Variants in TNFSF4 observed in about 807,000 individuals in gnomAD.
TNFSF4 encodes the protein TNF superfamily member 4.
Under a neutral mutation model 7.3 loss-of-function variants are expected in TNFSF4, and 4 were observed. The observed-to-expected ratio is 0.55, with a 90% CI of 0.27 to 1.25. The LOEUF (loss-of-function observed/expected upper bound fraction) is 1.25. TNFSF4 is among the 50% of genes most tolerant of loss of function. The pLI, the probability that TNFSF4 is intolerant of heterozygous loss-of-function variation, is 0.12. For missense variants in TNFSF4, 181 were observed against 208.8 expected, an observed-to-expected ratio of 0.87 and a Z score of 0.82; for synonymous variants, 76 against 83.7, an observed-to-expected ratio of 0.91 and a Z score of 0.50.
At chr1:173,400,157 T>A in the TNFSF4 span, among the ~76,000 whole-genome samples, 2 of 152,214 alleles carry the variant, frequency 1.3e-5, no homozygotes, top group Non-Finnish European at 2.9e-5. Flanking sequence ...TCACAGCAAA[T>A]AAAGTGTAGC....
the TNFSF4 span, among the ~76,000 whole-genome samples, chr1:173,324,379 G>A: frequency 6.6e-6 from 1 of 152,152 alleles, no homozygotes; most frequent in Non-Finnish European, 1.5e-5. Flanking sequence ...AACATGGAAA[G>A]GAACAACCAG....
At chr1:173,372,178 A>C in the TNFSF4 span, among the ~76,000 whole-genome samples, 7 of 152,232 alleles carry the variant, frequency 4.6e-5, no homozygotes, top group Non-Finnish European at 1.0e-4. Context: ...CTCAGCAAAG[A>C]ATGAAGACAG....
chr1:173,289,077 C>T, the TNFSF4 span, among the ~76,000 whole-genome samples: 1 of 152,020 alleles, frequency 6.6e-6, no homozygotes, highest in East Asian at 1.9e-4. Flanking sequence ...CAGAAAGGAG[C>T]TCTGTGAGTT....
the TNFSF4 span, among the ~76,000 whole-genome samples, chr1:173,317,803 G>A: frequency 1.3e-5 from 2 of 152,050 alleles, no homozygotes; most frequent in East Asian, 1.9e-4. Context: ...CCGTTAGAGA[G>A]GGCAATTTAA....
At chr1:173,326,444 T>C in the TNFSF4 span, among the ~76,000 whole-genome samples, 2 of 152,194 alleles carry the variant, frequency 1.3e-5, no homozygotes, top group East Asian at 3.8e-4. Context: ...CCATTCCCTT[T>C]GAAAACTGGC....
the TNFSF4 span, among the ~76,000 whole-genome samples, chr1:173,284,592 G>A: frequency 6.6e-6 from 1 of 152,098 alleles, no homozygotes; most frequent in Admixed American, 6.5e-5. Flanking sequence ...TTCCAAAGAT[G>A]GGCTGACTTT....
chr1:173,321,477 TG>T, the TNFSF4 span, among the ~76,000 whole-genome samples: 2 of 151,890 alleles, frequency 1.3e-5, no homozygotes, highest in South Asian at 4.1e-4. Context: ...AATTGACAAA[TG>T]GGATCTAATT....
chr1:173,205,229 C>T, intron 1 of TNFSF4: 1 of 1,540,284 alleles, frequency 6.5e-7, no homozygotes, highest in Non-Finnish European at 8.9e-7. Flanking sequence ...CTTAAGCAAA[C>T]AACTCAAATA....
chr1:173,410,258 TAAG>T, the TNFSF4 span, among the ~76,000 whole-genome samples: 5 of 152,146 alleles, frequency 3.3e-5, no homozygotes, highest in African/African-American at 4.8e-5. Flanking sequence ...GCCTTGATCT[TAAG>T]AAGTCCACAA....
chr1:173,327,932 G>A, the TNFSF4 span, among the ~76,000 whole-genome samples: 3 of 152,134 alleles, frequency 2.0e-5, no homozygotes, highest in Non-Finnish European at 4.4e-5. Flanking sequence ...CAACCATTGT[G>A]GAAGTCAGTG....
intron 1 of TNFSF4, among the ~76,000 whole-genome samples, chr1:173,193,886 C>G (rs1200627145): frequency 1.3e-5 from 2 of 151,874 alleles, no homozygotes; most frequent in Non-Finnish European, 2.9e-5. Context: ...GATAATGCAA[C>G]AGGAAGGTTA....
chr1:173,448,602 G>A, the TNFSF4 span, among the ~76,000 whole-genome samples: 2 of 152,128 alleles, frequency 1.3e-5, no homozygotes, highest in Non-Finnish European at 2.9e-5. Flanking sequence ...GTTCTCTAGC[G>A]GATGGGAGTG....
At chr1:173,228,850 T>C in the TNFSF4 span, among the ~76,000 whole-genome samples, 1 of 152,052 alleles carries the variant, frequency 6.6e-6, no homozygotes. Flanking sequence ...ATCAAATGAA[T>C]GAAATGAAGC....
chr1:173,259,343 G>T, the TNFSF4 span, among the ~76,000 whole-genome samples: 3 of 151,898 alleles, frequency 2.0e-5, no homozygotes, highest in Non-Finnish European at 2.9e-5. Flanking sequence ...CCATCCAAAG[G>T]TCACCAGCCT....
chr1:173,398,839 C>T, the TNFSF4 span, among the ~76,000 whole-genome samples: 1,475 of 152,258 alleles, frequency 9.7e-3, 14 homozygotes, highest in Middle Eastern at 0.024. Flanking sequence ...AAAAGAGGCA[C>T]GATGCCTACT....
intron 1 of TNFSF4, 94 bp downstream of exon 1, chr1:173,206,930 T>C (rs1198536674): frequency 2.8e-6 from 4 of 1,404,844 alleles, no homozygotes; most frequent in Admixed American, 2.4e-5. Flanking sequence ...TCAACACTTT[T>C]GGCATAAGAT....
chr1:173,320,931 C>T, the TNFSF4 span, among the ~76,000 whole-genome samples: 1 of 152,086 alleles, frequency 6.6e-6, no homozygotes, highest in African/African-American at 2.4e-5. Flanking sequence ...CATTGCTATT[C>T]CCAATAAGCT....
chr1:173,395,022 AGATAGATAGATAGAT>A, the TNFSF4 span, among the ~76,000 whole-genome samples: 8 of 129,028 alleles, frequency 6.2e-5, no homozygotes, highest in South Asian at 2.5e-4. Context: ...ATAGATAGAT[AGATAGATAGATAGAT>A]GATAGATAGA....
chr1:173,189,283 T>G (rs996376069), intron 1 of TNFSF4, among the ~76,000 whole-genome samples: 1 of 152,182 alleles, frequency 6.6e-6, no homozygotes, highest in Non-Finnish European at 1.5e-5. Context: ...GAATGCTGGT[T>G]CAATCAATCC....
Sources: gnomAD v4.1 joint callset for allele counts (sites outside exome capture counted in the v4.1 genomes callset) on GRCh38, gnomAD v4.1.1 for gene constraint, MANE v1.5 for transcripts, NCBI Gene and HGNC (gene_info 2026-07-23, HGNC 2026-07-21) for gene names.